Variants in TYW1B observed in about 807,000 individuals in gnomAD.
TYW1B encodes the protein tRNA-yW synthesizing protein 1 homolog B.
Under a neutral mutation model 86.9 loss-of-function variants are expected in TYW1B, and 73 were observed. That is an observed-to-expected ratio of 0.84 (90% CI 0.70 to 1.02). The LOEUF (loss-of-function observed/expected upper bound fraction) is 1.02. Among genes scored for constraint, TYW1B ranks in the 50% least tolerant of loss-of-function variants. TYW1B has a pLI of 0.00. For synonymous variants in TYW1B, 248 were observed against 292.8 expected, an observed-to-expected ratio of 0.85 and a Z score of 1.56; for missense variants, 637 against 827.4, an observed-to-expected ratio of 0.77 and a Z score of 2.82.
intron 13 of TYW1B, among the ~76,000 whole-genome samples, chr7:72,600,861 C>CT (rs1554433592): frequency 6.6e-6 from 1 of 151,410 alleles, no homozygotes; most frequent in African/African-American, 2.4e-5. Flanking sequence ...GACCTTGTCT[C>CT]TTAAAAAAAA....
intron 7 of TYW1B, among the ~76,000 whole-genome samples, chr7:72,755,731 G>A (rs1787575574): frequency 6.6e-6 from 1 of 152,170 alleles, no homozygotes; most frequent in African/African-American, 2.4e-5. Flanking sequence ...CAGAGGAAAA[G>A]GAGTGAAAAA....
intron 13 of TYW1B, among the ~76,000 whole-genome samples, chr7:72,604,606 G>C (rs1451503293): frequency 6.6e-6 from 1 of 152,174 alleles, no homozygotes; most frequent in Admixed American, 6.6e-5. Flanking sequence ...CCAATATGTG[G>C]AGGGAATTTC....
chr7:72,687,177 T>G (rs1339817023), intron 11 of TYW1B, among the ~76,000 whole-genome samples: 2 of 152,234 alleles, frequency 1.3e-5, no homozygotes, highest in East Asian at 3.8e-4. Flanking sequence ...GGCTCACGCC[T>G]GTAATCCCAG....
chr7:72,722,317 C>T (rs1786919432), intron 9 of TYW1B, among the ~76,000 whole-genome samples: 1 of 152,158 alleles, frequency 6.6e-6, no homozygotes, highest in Non-Finnish European at 1.5e-5. Flanking sequence ...AGGTCTTTTT[C>T]ATCTTTGCAG....
chr7:72,629,175 C>T (rs1295086656), intron 11 of TYW1B, among the ~76,000 whole-genome samples, 178 bp from the exon 12 acceptor site: 1 of 152,204 alleles, frequency 6.6e-6, no homozygotes, highest in African/African-American at 2.4e-5. Context: ...CACTATGATT[C>T]TAACATGCCT....
chr7:72,770,710 T>C (rs1198975185), intron 7 of TYW1B, among the ~76,000 whole-genome samples: 1 of 152,116 alleles, frequency 6.6e-6, no homozygotes, highest in African/African-American at 2.4e-5. Context: ...CACAAAGTCT[T>C]GTGAAGAATG....
chr7:72,642,522 G>A (rs1413935379), intron 11 of TYW1B, among the ~76,000 whole-genome samples: 1 of 152,144 alleles, frequency 6.6e-6, no homozygotes, highest in African/African-American at 2.4e-5. Flanking sequence ...GCCAAAAGCT[G>A]GAAACAATGC....
At chr7:72,702,053 C>T (rs1343658572) in intron 10 of TYW1B, among the ~76,000 whole-genome samples, 3 of 152,164 alleles carry the variant, frequency 2.0e-5, no homozygotes, top group Non-Finnish European at 2.9e-5. Context: ...TTCAAAGTCC[C>T]CTATGACATC....
At position 72,723,354 on chromosome 7, in the gene TYW1B, G is replaced by A. The variant is rs1182705037; in HGVS notation, c.1192+5468C>T. Among the ~76,000 whole-genome samples the A allele has an allele frequency of 4.6e-5, 7 of 152,222 alleles. No individual in the cohort carries two copies. The South Asian group carries it at 8.3e-4, about 18-fold the overall frequency. On this transcript the variant is annotated intron_variant, in intron 9 of 13. Transcript: ENST00000620995. ...AGATACCAGGAATATCACAAACTAC[G>A]AAGGAAATGCCTTCAAGCCTTTGAA... is the stretch of plus-strand genomic sequence containing the variant.
intron 11 of TYW1B, among the ~76,000 whole-genome samples, chr7:72,648,787 G>A (rs2129569164): frequency 6.6e-6 from 1 of 152,264 alleles, no homozygotes; most frequent in East Asian, 1.9e-4. Flanking sequence ...TCACCTGTGT[G>A]AAGGAGTAAG....
At chr7:72,756,615 C>T in intron 7 of TYW1B, among the ~76,000 whole-genome samples, 1 of 152,092 alleles carries the variant, frequency 6.6e-6, no homozygotes, top group East Asian at 1.9e-4. Flanking sequence ...GCAGAACAGG[C>T]TGAGAAAAGG....
intron 3 of TYW1B, 96 bp downstream of exon 3, chr7:72,815,284 A>C (rs1788701626): frequency 9.1e-7 from 1 of 1,093,412 alleles, no homozygotes; most frequent in African/African-American, 1.6e-5. Context: ...AATTAAATTT[A>C]TTCTGAAGAT....
intron 2 of TYW1B, among the ~76,000 whole-genome samples, chr7:72,820,040 C>G (rs1788799017): frequency 6.6e-6 from 1 of 152,030 alleles, no homozygotes; most frequent in African/African-American, 2.4e-5. Flanking sequence ...TTCGGGAGGC[C>G]AAGATGGGTG....
At chr7:72,745,739 A>G (rs1313353460) in intron 7 of TYW1B, among the ~76,000 whole-genome samples, 1 of 151,926 alleles carries the variant, frequency 6.6e-6, no homozygotes, top group African/African-American at 2.4e-5. Flanking sequence ...GTCATCCAAA[A>G]TAACTGATTT....
At chr7:72,769,185 T>G (rs1461238549) in intron 7 of TYW1B, 7 of 411,486 alleles carry the variant, frequency 1.7e-5, no homozygotes, top group Non-Finnish European at 2.7e-5. Flanking sequence ...ACCATGCCAT[T>G]TTATTGACTG....
At chr7:72,672,475 C>CACACAA (rs1433648013) in intron 11 of TYW1B, among the ~76,000 whole-genome samples, 2 of 141,072 alleles carry the variant, frequency 1.4e-5, no homozygotes, top group African/African-American at 5.7e-5. Context: ...CACACACAAA[C>CACACAA]ACACACACAC....
chr7:72,669,632 T>A (rs1284686893), intron 11 of TYW1B, among the ~76,000 whole-genome samples: 8 of 150,434 alleles, frequency 5.3e-5, no homozygotes, highest in African/African-American at 1.9e-4. Flanking sequence ...CATGGTGGCA[T>A]GGTGGCTTGT....
intron 11 of TYW1B, among the ~76,000 whole-genome samples, chr7:72,683,396 C>A (rs577797675): frequency 6.6e-6 from 1 of 152,200 alleles, no homozygotes; most frequent in African/African-American, 2.4e-5. Context: ...ATGGTAAAAC[C>A]CCGTCTCTAG....
chr7:72,667,522 TG>T (rs1813495542), intron 11 of TYW1B, among the ~76,000 whole-genome samples: 1 of 152,094 alleles, frequency 6.6e-6, no homozygotes, highest in Non-Finnish European at 1.5e-5. Flanking sequence ...TAGAAGAGGC[TG>T]GGCAACACGG....
Sources: gnomAD v4.1 joint callset for allele counts (sites outside exome capture counted in the v4.1 genomes callset) on GRCh38, gnomAD v4.1.1 for gene constraint, MANE v1.5 for transcripts, NCBI Gene and HGNC (gene_info 2026-07-23, HGNC 2026-07-21) for gene names.